FARP1: variants seen among roughly 807,000 people sequenced by gnomAD.
The protein encoded by FARP1 is FERM, ARHGEF and pleckstrin domain-containing protein 1.
In FARP1, 52 loss-of-function variants were observed where a neutral mutation model predicts 128.8. That is an observed-to-expected ratio of 0.40 (90% CI 0.32 to 0.51). The LOEUF is 0.51. FARP1 is among the 20% of genes least tolerant of loss of function. The pLI is 0.45. For missense variants in FARP1, 1,333 were observed against 1,367.9 expected (o/e 0.97, Z 0.40); for synonymous variants, 580 against 551.8 (o/e 1.05, Z -0.72).
At chr13:98,262,950 G>C (rs1488782793) in intron 2 of FARP1, among the ~76,000 whole-genome samples, 2 of 152,026 alleles carry the variant, frequency 1.3e-5, no homozygotes, top group Admixed American at 6.6e-5. Flanking sequence ...CTAAGTCTCT[G>C]CCCCTTTTAC....
At chr13:98,397,653 T>A (rs77822005) in intron 13 of FARP1, 1 of 152,296 alleles carries the variant, frequency 6.6e-6, no homozygotes, top group East Asian at 1.9e-4. Context: ...TAAAAATTAG[T>A]GATGCCGGGA....
At chr13:98,253,689 G>T (rs1033684142) in intron 2 of FARP1, among the ~76,000 whole-genome samples, 14 of 152,200 alleles carry the variant, frequency 9.2e-5, no homozygotes, top group Admixed American at 1.3e-4. Context: ...CTAAGTCATC[G>T]TTGAGCTCGG....
chr13:98,308,456 C>T (rs1047268579), intron 2 of FARP1, among the ~76,000 whole-genome samples: 3 of 151,906 alleles, frequency 2.0e-5, no homozygotes, highest in Admixed American at 6.6e-5. Context: ...GGGGAATGGA[C>T]GAAGATAGAA....
intron 3 of FARP1, among the ~76,000 whole-genome samples, chr13:98,357,706 G>A (rs1888696981): frequency 1.3e-5 from 2 of 152,080 alleles, no homozygotes; most frequent in South Asian, 2.1e-4. Flanking sequence ...TGAGTTCTAG[G>A]TTAGTTTTTA....
chr13:98,352,064 T>G (rs985664853), intron 3 of FARP1, among the ~76,000 whole-genome samples: 1 of 152,050 alleles, frequency 6.6e-6, no homozygotes, highest in African/African-American at 2.4e-5. Flanking sequence ...AGTTTTTAGA[T>G]CTTCTCAAAC....
intron 2 of FARP1, among the ~76,000 whole-genome samples, chr13:98,287,354 C>G (rs937039339): frequency 6.6e-6 from 1 of 151,228 alleles, no homozygotes; most frequent in African/African-American, 2.4e-5. Context: ...CTCAGCCTCC[C>G]GAGTAGCTGG....
chr13:98,388,504 AC>A, intron 9 of FARP1, 26 bp downstream of exon 9: 1 of 1,564,154 alleles, frequency 6.4e-7, no homozygotes, highest in African/African-American at 1.4e-5. Context: ...GGGAAAGGGG[AC>A]CCGTTGAGCC....
chr13:98,253,605 TAAC>T (rs1449628336), intron 2 of FARP1, among the ~76,000 whole-genome samples: 1 of 152,234 alleles, frequency 6.6e-6, no homozygotes, highest in Non-Finnish European at 1.5e-5. Context: ...GATGTATTTA[TAAC>T]AACACATCAC....
At chr13:98,194,761 C>T (rs1330069026) in intron 1 of FARP1, among the ~76,000 whole-genome samples, 2 of 152,218 alleles carry the variant, frequency 1.3e-5, no homozygotes, top group Admixed American at 6.5e-5. Flanking sequence ...TATTCAGAAG[C>T]TCTCCAAGCC....
intron 1 of FARP1, among the ~76,000 whole-genome samples, chr13:98,153,812 C>T (rs1876303985): frequency 6.6e-6 from 1 of 151,916 alleles, no homozygotes; most frequent in African/African-American, 2.4e-5. Context: ...ATCCGCCTGC[C>T]TCAGCCTCCC....
At chr13:98,432,003 C>G (rs983138983) in intron 18 of FARP1, 1 of 152,196 alleles carries the variant, frequency 6.6e-6, no homozygotes, top group African/African-American at 2.4e-5. Flanking sequence ...TGCTACCGGT[C>G]ATTTGTAATG....
intron 1 of FARP1, among the ~76,000 whole-genome samples, chr13:98,188,462 G>A (rs1407043412): frequency 6.6e-6 from 1 of 152,170 alleles, no homozygotes; most frequent in Non-Finnish European, 1.5e-5. Context: ...TCGGGAGGCT[G>A]AGGCAGGAGA....
intron 2 of FARP1, among the ~76,000 whole-genome samples, chr13:98,269,690 T>C (rs1200051548): frequency 6.6e-6 from 1 of 152,174 alleles, no homozygotes; most frequent in Admixed American, 6.5e-5. Context: ...AAGGAAGGGG[T>C]TGGGGAAGAG....
chr13:98,221,350 A>G (rs1032431842), intron 2 of FARP1, among the ~76,000 whole-genome samples: 2 of 150,946 alleles, frequency 1.3e-5, no homozygotes, highest in African/African-American at 5.0e-5. Flanking sequence ...ACTTAAGAAT[A>G]AAAAATCATG....
In FARP1 at chr13:98,393,660, A is replaced by G; in HGVS notation, c.1106A>G (p.His369Arg). 6.2e-7 allele frequency: 1 copy of G among 1,614,038 alleles called. No homozygotes were observed. Among genetic ancestry groups the G allele is most frequent in the Non-Finnish European group, 8.5e-7 (1 of 1,179,864 alleles). Residue 369 changes from histidine (H) to arginine (R), a missense_variant, in exon 12 of 27, where the codon CAT becomes CGT. His to Arg is a conservative substitution (Grantham distance 29, BLOSUM62 0). Transcript: ENST00000319562. ...VQFERKHSKI[H>R]SIRSLASQPT... ...TTTCCCAGGAAGCACAGCAAGATTC[A>G]TTCTATCCGGAGCCTTGCTTCACAG...
intron 2 of FARP1, among the ~76,000 whole-genome samples, chr13:98,320,908 A>G (rs534283172): frequency 3.5e-4 from 53 of 152,254 alleles, no homozygotes; most frequent in East Asian, 3.5e-3. Context: ...CCGGAAATCT[A>G]AATGTAAAAC....
Position 98,450,351 on chromosome 13 carries a change from A to AACTG in FARP1, c.*2037_*2040dup, listed in dbSNP as rs1172429694. 1.6e-4 allele frequency: 25 copies of AACTG among 152,348 alleles called. No homozygotes were observed. The highest frequency in any genetic ancestry group is 3.8e-4 in the African/African-American group (16 of 41,576). 9.4% of individuals were successfully genotyped at this position (152,348 alleles called of 1,614,324 possible). On this transcript the variant is annotated 3_prime_UTR_variant, in exon 27 of 27. Coordinates refer to ENST00000319562, the MANE Select transcript of FARP1 (RefSeq NM_005766.4). ...GAGGGAAATATAAAAAATGTTTATA[A>AACTG]ACTGACAGTGTTTTGCCAGAGGAAA...
Position 98,155,363 on chromosome 13 carries a change from A to G in FARP1, c.-24+11871A>G, listed in dbSNP as rs1402544145. On this transcript the variant is annotated intron_variant, in intron 1 of 26. Coordinates refer to ENST00000319562, the MANE Select transcript of FARP1 (RefSeq NM_005766.4). ...TGTCTCAAAAAAAAAAAAAAAAAAA[A>G]AAAAGTCAACTGGGACTGTGGGGTC... Among the ~76,000 whole-genome samples, 4 of 151,342 alleles carry G rather than the reference A, an allele frequency of 2.6e-5. No individual in the cohort carries two copies. The East Asian group carries it at 7.8e-4, about 30-fold the overall frequency.
chr13:98,431,459 TG>T, intron 18 of FARP1, 179 bp downstream of exon 18: 1 of 484,364 alleles, frequency 2.1e-6, no homozygotes, highest in Admixed American at 4.2e-5. Context: ...GGTTACATCT[TG>T]ATTTTTTTTT....
Sources: gnomAD v4.1 joint callset for allele counts (sites outside exome capture counted in the v4.1 genomes callset) on GRCh38, gnomAD v4.1.1 for gene constraint, MANE v1.5 for transcripts, NCBI Gene and HGNC (gene_info 2026-07-23, HGNC 2026-07-21) for gene names.